The following SEMA3A variants were observed in gnomAD, a reference collection of about 807,000 sequenced individuals.
SEMA3A encodes semaphorin 3A, also known as semaphorin-3A.
In SEMA3A, 29 loss-of-function variants were observed where a neutral mutation model predicts 97.9. The observed-to-expected ratio is 0.30, with a 90% CI of 0.22 to 0.40. SEMA3A has a LOEUF of 0.40. SEMA3A is among the 10% of genes least tolerant of loss of function. The probability of loss-of-function intolerance (pLI) is 1.00; values close to 1 mark genes in which losing one functional copy is unlikely to be tolerated. For missense variants in SEMA3A, 763 were observed against 951.3 expected, an observed-to-expected ratio of 0.80 and a Z score of 2.60; for synonymous variants, 321 against 323.7, an observed-to-expected ratio of 0.99 and a Z score of 0.09.
chr7:84,274,037 G>C (rs1302516953), intron 3 of SEMA3A, among the ~76,000 whole-genome samples: 1 of 151,818 alleles, frequency 6.6e-6, no homozygotes, highest in Non-Finnish European at 1.5e-5. Flanking sequence ...TTATTTTCTT[G>C]ACATAGAATT....
intron 4 of SEMA3A, among the ~76,000 whole-genome samples, chr7:84,103,499 T>C (rs1211027553): frequency 6.6e-6 from 1 of 152,152 alleles, no homozygotes; most frequent in African/African-American, 2.4e-5. Flanking sequence ...ATCATCACAG[T>C]TAAAAACAAG....
chr7:84,270,884 T>C (rs1412094180), intron 3 of SEMA3A, among the ~76,000 whole-genome samples: 1 of 151,810 alleles, frequency 6.6e-6, no homozygotes, highest in African/African-American at 2.4e-5. Flanking sequence ...TAGGGCAATT[T>C]CTATAAAATG....
Position 84,254,611 on chromosome 7 carries a change from CTCT to C in SEMA3A, c.-83+52593_-83+52595del, listed in dbSNP as rs199555860. Among the ~76,000 whole-genome samples, 127 of 152,128 alleles carry C rather than the reference CTCT, an allele frequency of 8.3e-4. 2 individuals carry two copies. In the East Asian group the frequency reaches 0.024, roughly 28 times the overall value. On this transcript the variant is annotated intron_variant, in intron 3 of 3. Coordinates refer to the SEMA3A transcript ENST00000424555. ...CATGAAAATCCTTAGTTCTTGACAC[CTCT>C]TCTTTAAAAATTTAAGCAGTTTTAC... is the stretch of plus-strand genomic sequence containing the variant.
intron 3 of SEMA3A, among the ~76,000 whole-genome samples, chr7:84,283,878 A>AT (rs971032925): frequency 7.2e-5 from 11 of 152,068 alleles, no homozygotes; most frequent in Admixed American, 2.6e-4. Context: ...CATACCTTGC[A>AT]TTTTTTAGGA....
chr7:83,985,540 T>C, intron 12 of SEMA3A, 63 bp from the exon 13 acceptor site: 1 of 1,329,740 alleles, frequency 7.5e-7, no homozygotes, highest in East Asian at 2.3e-5. Flanking sequence ...TATTAGTTAA[T>C]TAACTCAAGG....
At chr7:84,183,822 T>C (rs1268459066) in intron 1 of SEMA3A, among the ~76,000 whole-genome samples, 1 of 152,074 alleles carries the variant, frequency 6.6e-6, no homozygotes, top group Non-Finnish European at 1.5e-5. Flanking sequence ...ATAAAATACA[T>C]GGTATGATAT....
chr7:83,987,734 G>A (rs1789697384), intron 12 of SEMA3A, among the ~76,000 whole-genome samples: 1 of 152,054 alleles, frequency 6.6e-6, no homozygotes, highest in African/African-American at 2.4e-5. Context: ...CCACTATACT[G>A]TCTTTCTTCC....
chr7:84,131,814 A>G (rs1193349736), intron 2 of SEMA3A, among the ~76,000 whole-genome samples: 4 of 151,282 alleles, frequency 2.6e-5, no homozygotes, highest in African/African-American at 9.8e-5. Flanking sequence ...TTATTTTGCG[A>G]CAAGGTCTCA....
chr7:84,160,930 A>G (rs1309613476), intron 1 of SEMA3A, among the ~76,000 whole-genome samples: 1 of 152,048 alleles, frequency 6.6e-6, no homozygotes, highest in Non-Finnish European at 1.5e-5. Context: ...GATAGGTAGT[A>G]TTATTTCTAC....
rs537524840 is a variant in SEMA3A at position 84,273,232 on chromosome 7, A to G, written c.-83+33975T>C. On this transcript the variant is annotated intron_variant, in intron 3 of 3. Coordinates refer to the SEMA3A transcript ENST00000424555. The stretch of plus-strand genomic sequence containing the variant: ...ACTATACTATCTTTGATATTCTTTA[A>G]ACTTAGGTATTCACCTCAAGGCCAA... Among the ~76,000 whole-genome samples, 8 of 152,216 alleles carry G rather than the reference A, an allele frequency of 5.3e-5. No individual in the cohort carries two copies. The South Asian group carries it at 1.7e-3, about 32-fold the overall frequency.
At position 83,960,823 on chromosome 7, in the gene SEMA3A, T is replaced by C. The variant is rs1240243193; in HGVS notation, c.*548A>G. 9.5e-6 allele frequency: 1 copy of C among 105,500 alleles called. No individual in the cohort carries two copies. Among genetic ancestry groups the C allele is most frequent in the African/African-American group, 3.3e-5 (1 of 30,574 alleles). The allele number at this position is 105,500 out of a possible 1,614,324, so 6.5% of individuals were successfully genotyped here. Reference sequence around the variant, plus strand: ...TTTCTTCTGGATGATGGATGGCTTATGTTTTTTTTTTTTTTTAATATTTCC... The same window carrying C: ...TTTCTTCTGGATGATGGATGGCTTACGTTTTTTTTTTTTTTTAATATTTCC... On this transcript the variant is annotated 3_prime_UTR_variant, in exon 17 of 17. Coordinates refer to ENST00000265362, the MANE Select transcript of SEMA3A (RefSeq NM_006080.3).
At chr7:83,967,511 T>C (rs1055726168) in intron 15 of SEMA3A, among the ~76,000 whole-genome samples, 25 of 152,260 alleles carry the variant, frequency 1.6e-4, no homozygotes, top group African/African-American at 5.3e-4. Context: ...TCCCAGCACT[T>C]TGGAAGGCTG....
chr7:84,393,731 C>A (rs981853278), intron 1 of SEMA3A, among the ~76,000 whole-genome samples: 1 of 152,060 alleles, frequency 6.6e-6, no homozygotes, highest in Non-Finnish European at 1.5e-5. Context: ...AGAAAGGGTG[C>A]CATATTTGAT....
intron 1 of SEMA3A, among the ~76,000 whole-genome samples, chr7:84,375,228 T>C (rs1227058422): frequency 6.6e-6 from 1 of 151,988 alleles, no homozygotes; most frequent in Admixed American, 6.6e-5. Flanking sequence ...CCATTTTGGC[T>C]AGGCTGATCT....
At chr7:84,261,332 C>T (rs1174758337) in intron 3 of SEMA3A, among the ~76,000 whole-genome samples, 4 of 152,136 alleles carry the variant, frequency 2.6e-5, no homozygotes, top group Admixed American at 1.3e-4. Flanking sequence ...TCAGGACTCA[C>T]TGAATGGCAG....
At chr7:84,400,619 T>A (rs1212265836) in intron 1 of SEMA3A, among the ~76,000 whole-genome samples, 1 of 152,078 alleles carries the variant, frequency 6.6e-6, no homozygotes, top group Non-Finnish European at 1.5e-5. Flanking sequence ...GTGAAGAATG[T>A]TTCCAAGATC....
Position 84,428,327 on chromosome 7 carries a change from G to A in SEMA3A, c.-245-56427C>T, listed in dbSNP as rs193235068. ...TATAAATGTAAAATAAAAGTATGAC[G>A]TAAATATAATTTTTTCTCCTTAAAG... On this transcript the variant is annotated intron_variant, in intron 1 of 3. Transcript: ENST00000424555. Among the ~76,000 whole-genome samples the A allele has an allele frequency of 3.0e-3, 450 of 152,000 alleles. 3 individuals are homozygous for A. The highest frequency in any genetic ancestry group is 0.01 in the African/African-American group (416 of 41,484).
At chr7:84,219,065 TC>T (rs1798815809) in intron 3 of SEMA3A, among the ~76,000 whole-genome samples, 1 of 152,110 alleles carries the variant, frequency 6.6e-6, no homozygotes, top group Non-Finnish European at 1.5e-5. Context: ...ATCCTTTCCC[TC>T]TGACTTCTAG....
intron 12 of SEMA3A, among the ~76,000 whole-genome samples, chr7:83,995,184 G>T (rs1005606948): frequency 6.6e-6 from 1 of 152,074 alleles, no homozygotes; most frequent in Non-Finnish European, 1.5e-5. Flanking sequence ...CTCGCGCACG[G>T]TGCGCTCACC....
Sources: gnomAD v4.1 joint callset for allele counts (sites outside exome capture counted in the v4.1 genomes callset) on GRCh38, gnomAD v4.1.1 for gene constraint, MANE v1.5 for transcripts, NCBI Gene and HGNC (gene_info 2026-07-23, HGNC 2026-07-21) for gene names.